Variants in CDH9 observed in about 807,000 individuals in gnomAD.
CDH9 encodes cadherin 9.
CDH9 carries 28 observed loss-of-function variants against 70.9 expected under a neutral mutation model. That is an observed-to-expected ratio of 0.40 (90% CI 0.29 to 0.54). The LOEUF is 0.54. CDH9 is among the 20% of genes least tolerant of loss of function. The probability of loss-of-function intolerance (pLI) is 0.59; values close to 1 mark genes in which losing one functional copy is unlikely to be tolerated. For missense variants in CDH9, 874 were observed against 984.4 expected, an observed-to-expected ratio of 0.89 and a Z score of 1.50; for synonymous variants, 409 against 343.1, an observed-to-expected ratio of 1.19 and a Z score of -2.12.
At chr5:27,034,580 T>TACAC (rs138233111) in intron 1 of CDH9, among the ~76,000 whole-genome samples, 2 of 149,900 alleles carry the variant, frequency 1.3e-5, no homozygotes, top group East Asian at 2.0e-4. Context: ...ATCTCTCTCT[T>TACAC]ACACACACAC....
At chr5:26,972,950 G>A (rs576685574) in intron 2 of CDH9, among the ~76,000 whole-genome samples, 4 of 150,614 alleles carry the variant, frequency 2.7e-5, no homozygotes, top group Admixed American at 6.6e-5. Flanking sequence ...TGTAACCTCC[G>A]CCTCCCAGGT....
chr5:26,882,323 C>A (rs1367169199), intron 11 of CDH9, among the ~76,000 whole-genome samples: 1 of 151,998 alleles, frequency 6.6e-6, no homozygotes, highest in Admixed American at 6.6e-5. Flanking sequence ...ATGAGGACTT[C>A]CTTGACATAC....
At chr5:26,981,624 CAG>C (rs974366714) in intron 2 of CDH9, among the ~76,000 whole-genome samples, 3 of 151,660 alleles carry the variant, frequency 2.0e-5, no homozygotes, top group African/African-American at 4.8e-5. Flanking sequence ...TGTATAAAAC[CAG>C]AGAGTCTAAA....
chr5:26,902,749 A>G lies in CDH9; in HGVS notation c.1000-20T>C, dbSNP rs1288239805. 36 of 1,407,006 alleles carry G rather than the reference A, an allele frequency of 2.6e-5. No homozygotes were observed. Among genetic ancestry groups the G allele is most frequent in the Non-Finnish European group, 3.5e-5 (35 of 1,000,392 alleles). The allele number at this position is 1,407,006 out of a possible 1,614,324, so 87.2% of individuals were successfully genotyped here. On this transcript the variant is annotated intron_variant, in intron 6 of 11. Coordinates refer to ENST00000231021, the MANE Select transcript of CDH9 (RefSeq NM_016279.4). ...TAAATTCTGGAGTTAAATAACATAAAAGAAATTAGCATAATTCAGAAGATA... is the reference window on the plus strand; with the variant it reads ...TAAATTCTGGAGTTAAATAACATAAGAGAAATTAGCATAATTCAGAAGATA...
chr5:26,890,372 T>G lies in CDH9; in HGVS notation c.1390+56A>C, dbSNP rs557653901. The G allele has an allele frequency of 3.9e-5, 59 of 1,498,048 alleles. No individual in the cohort carries two copies. In the South Asian group the frequency reaches 6.4e-4, roughly 16 times the overall value. 92.8% of individuals were successfully genotyped at this position (1,498,048 alleles called of 1,614,324 possible). A position where few individuals can be genotyped will look rare whatever the true frequency, so the allele number is the denominator to read the frequency against. On this transcript the variant is annotated intron_variant, in intron 8 of 11. Transcript: ENST00000231021. Reference sequence around the variant, plus strand: ...AGAAAATGAGTCTAGCTGGTGCTATTATTTTACCACTTTGATGAAAGACAG... The same window carrying G: ...AGAAAATGAGTCTAGCTGGTGCTATGATTTTACCACTTTGATGAAAGACAG...
At chr5:26,933,271 C>A (rs936843636) in intron 2 of CDH9, among the ~76,000 whole-genome samples, 1 of 150,828 alleles carries the variant, frequency 6.6e-6, no homozygotes, top group East Asian at 1.9e-4. Flanking sequence ...GTAAATTAAA[C>A]CTGAGGTAAA....
intron 2 of CDH9, among the ~76,000 whole-genome samples, chr5:26,937,259 A>G (rs1336067671): frequency 6.6e-6 from 1 of 152,200 alleles, no homozygotes. Flanking sequence ...GCAAATAAGC[A>G]TATCAAAAAT....
intron 1 of CDH9, among the ~76,000 whole-genome samples, chr5:27,000,441 A>G (rs1742744381): frequency 6.6e-6 from 1 of 152,110 alleles, no homozygotes; most frequent in Non-Finnish European, 1.5e-5. Flanking sequence ...GCCACTTTGG[A>G]AAACTATTTG....
intron 2 of CDH9, among the ~76,000 whole-genome samples, chr5:26,950,376 T>G (rs1741824257): frequency 1.3e-5 from 2 of 152,204 alleles, no homozygotes; most frequent in African/African-American, 2.4e-5. Context: ...ACAAAGCATT[T>G]GATAATTCAT....
chr5:26,882,849 T>C (rs1740489810), intron 11 of CDH9, among the ~76,000 whole-genome samples: 1 of 151,494 alleles, frequency 6.6e-6, no homozygotes. Context: ...TCATTGAGAC[T>C]ACACTTCAAC....
chr5:26,885,698 A>C lies in CDH9; in HGVS notation c.1798T>G (p.Cys600Gly). The C allele has an allele frequency of 6.2e-7, 1 of 1,613,644 alleles. No homozygotes were observed. Among genetic ancestry groups the C allele is most frequent in the Non-Finnish European group, 8.5e-7 (1 of 1,179,810 alleles). ...ACDNQGNMQS[C>G]TAEALILSAG... is the part of the protein sequence containing the mutation. ...GAAAGGATCAGGGCTTCTGCGGTGC[A>C]GGATTGCATGTTTCCTTGATTATCG... The change falls in exon 11 of 12, where the codon TGC becomes GGC. Residue 600 changes from cysteine (C) to glycine (G), a missense_variant. Physicochemically the swap from Cys to Gly is radical, Grantham distance 159. Coordinates refer to ENST00000231021, the MANE Select transcript of CDH9 (RefSeq NM_016279.4).
chr5:26,934,933 GA>G (rs201260109), intron 2 of CDH9, among the ~76,000 whole-genome samples: 47,660 of 140,108 alleles, frequency 0.34, 9,112 homozygotes, highest in Non-Finnish European at 0.46. Flanking sequence ...TAAAGATACT[GA>G]AAAAAAAAAA....
At position 27,017,651 on chromosome 5, in the gene CDH9, G is replaced by A. The variant is rs189586078; in HGVS notation, c.-50+20812C>T. Among the ~76,000 whole-genome samples the A allele has an allele frequency of 1.1e-4, 17 of 151,668 alleles. No homozygotes were observed. The East Asian group carries it at 2.7e-3, about 24-fold the overall frequency. The stretch of plus-strand genomic sequence containing the variant: ...TTTAACTCTCGGTTATATTTATTTC[G>A]TCATCAAGTTTCACATAAAGTATGC... On this transcript the variant is annotated intron_variant, in intron 1 of 11. Coordinates refer to ENST00000231021, the MANE Select transcript of CDH9 (RefSeq NM_016279.4).
chr5:27,032,483 T>C (rs553283331), intron 1 of CDH9, among the ~76,000 whole-genome samples: 2 of 151,722 alleles, frequency 1.3e-5, no homozygotes, highest in South Asian at 4.1e-4. Flanking sequence ...TAAAACCATA[T>C]TAAATATGTC....
chr5:27,016,340 A>G (rs1743046141), intron 1 of CDH9, among the ~76,000 whole-genome samples: 1 of 151,846 alleles, frequency 6.6e-6, no homozygotes, highest in Non-Finnish European at 1.5e-5. Flanking sequence ...GTTTGATGAA[A>G]AAGTACATTG....
intron 2 of CDH9, among the ~76,000 whole-genome samples, chr5:26,935,965 C>G (rs1741551470): frequency 6.6e-6 from 1 of 152,080 alleles, no homozygotes; most frequent in Non-Finnish European, 1.5e-5. Flanking sequence ...TTGGATGCAG[C>G]TGGAGACTAT....
intron 2 of CDH9, among the ~76,000 whole-genome samples, chr5:26,948,989 T>C (rs1013352092): frequency 6.6e-5 from 10 of 152,338 alleles, no homozygotes; most frequent in Non-Finnish European, 7.3e-5. Flanking sequence ...TCTTATCCAC[T>C]GGTGCCAGAC....
Position 26,988,401 on chromosome 5 carries a change from A to C in CDH9, c.-49-19T>G, listed in dbSNP as rs1579496819. ...GTTTTTCCTAAAGAGTAAGGAGAAA[A>C]AAAATGGCTGTATTAGCTTGAGTTT... On this transcript the variant is annotated intron_variant, in intron 1 of 11. Transcript: ENST00000231021. The C allele has an allele frequency of 1.9e-6, 3 of 1,562,470 alleles. No individual in the cohort carries two copies. Among genetic ancestry groups the C allele is most frequent in the Non-Finnish European group, 2.6e-6 (3 of 1,156,256 alleles).
chr5:26,915,492 C>A, intron 3 of CDH9, 138 bp downstream of exon 3: 3 of 549,006 alleles, frequency 5.5e-6, no homozygotes, highest in Non-Finnish European at 9.8e-6. Flanking sequence ...AATAGAAGAG[C>A]TAGTTTAAGC....
Sources: gnomAD v4.1 joint callset for allele counts (sites outside exome capture counted in the v4.1 genomes callset) on GRCh38, gnomAD v4.1.1 for gene constraint, MANE v1.5 for transcripts, NCBI Gene and HGNC (gene_info 2026-07-23, HGNC 2026-07-21) for gene names.